CPVL: variants seen among roughly 807,000 people sequenced by gnomAD.
CPVL encodes probable serine carboxypeptidase CPVL.
In CPVL, 51 loss-of-function variants were observed where a neutral mutation model predicts 63.7. The ratio of observed to expected loss-of-function variants is 0.80; its 90% confidence interval spans 0.64 to 1.01. The LOEUF (loss-of-function observed/expected upper bound fraction) is 1.01. CPVL is among the 50% of genes least tolerant of loss of function. The pLI is 0.00. For missense variants in CPVL, 530 were observed against 573.1 expected (o/e 0.92, Z 0.77); for synonymous variants, 195 against 206.0 (o/e 0.95, Z 0.46).
upstream of CPVL, among the ~76,000 whole-genome samples, chr7:29,149,453 C>G (rs569925194): frequency 7.9e-5 from 12 of 152,174 alleles, no homozygotes; most frequent in African/African-American, 2.6e-4. Context: ...CTTGGCCTCC[C>G]AAAGTGCTGG....
rs979823542 is a variant in CPVL at position 29,107,091 on chromosome 7, T to C, written c.288+5613A>G. The stretch of plus-strand genomic sequence containing the variant: ...CTCCACAGAGGCTCAGCCATGGGGC[T>C]GTTTGAGTGCCCTCCCAACATGGCA... On this transcript the variant is annotated intron_variant, in intron 3 of 12. Transcript: ENST00000265394. Among the ~76,000 whole-genome samples the C allele has an allele frequency of 6.6e-5, 10 of 152,250 alleles. 1 individual carries two copies. The highest frequency in any genetic ancestry group is 2.4e-4 in the African/African-American group (10 of 41,470).
At chr7:29,109,327 A>C (rs1055498090) in intron 3 of CPVL, among the ~76,000 whole-genome samples, 2 of 152,166 alleles carry the variant, frequency 1.3e-5, no homozygotes, top group Non-Finnish European at 1.5e-5. Flanking sequence ...GCATCCCCCC[A>C]AAAAATACTC....
chr7:29,054,487 T>C (rs1373300833), intron 11 of CPVL, among the ~76,000 whole-genome samples: 7 of 152,236 alleles, frequency 4.6e-5, no homozygotes, highest in East Asian at 1.9e-4. Context: ...GTCAGTCTGA[T>C]TGTCCTCCTT....
Position 29,009,715 on chromosome 7 carries a change from G to T in CPVL, c.1321-13833C>A, listed in dbSNP as rs190990565. 2.6e-5 allele frequency: 4 copies of T among 152,190 alleles called. No individual in the cohort carries two copies. The East Asian group carries it at 7.7e-4, about 29-fold the overall frequency. 9.4% of individuals were successfully genotyped at this position (152,190 alleles called of 1,614,324 possible). A position where few individuals can be genotyped will look rare whatever the true frequency, so the allele number is the denominator to read the frequency against. On this transcript the variant is annotated intron_variant, in intron 12 of 12. Transcript: ENST00000265394. ...ATATTATATATGGATACGTATGTCT[G>T]CAGTAAAACTATTAACAAAGAAAAA... is the stretch of plus-strand genomic sequence containing the variant.
intron 2 of CPVL, among the ~76,000 whole-genome samples, chr7:29,118,216 G>A (rs927701395): frequency 6.6e-6 from 1 of 152,216 alleles, no homozygotes; most frequent in Non-Finnish European, 1.5e-5. Context: ...TGGGCAACTC[G>A]GATAAAGTAT....
At chr7:29,146,659 G>A (rs1426669794), upstream of CPVL, 2 of 1,550,600 alleles carry the variant, frequency 1.3e-6, no homozygotes, top group South Asian at 2.4e-5. Flanking sequence ...GCCGCATCAA[G>A]TCAGCGCTTC....
chr7:29,028,022 TCAC>T (rs1787664411), intron 12 of CPVL, among the ~76,000 whole-genome samples: 1 of 152,180 alleles, frequency 6.6e-6, no homozygotes, highest in South Asian at 2.1e-4. Flanking sequence ...GCTGGAGGCA[TCAC>T]ACTACCTGAT....
intron 4 of CPVL, among the ~76,000 whole-genome samples, chr7:29,095,347 A>T (rs931417396): frequency 2.6e-5 from 4 of 152,122 alleles, no homozygotes; most frequent in African/African-American, 9.7e-5. Flanking sequence ...CCCAGCCCAG[A>T]GTGTTTCTAC....
At chr7:29,116,629 C>G (rs2128635444) in intron 2 of CPVL, among the ~76,000 whole-genome samples, 1 of 152,324 alleles carries the variant, frequency 6.6e-6, no homozygotes, top group Non-Finnish European at 1.5e-5. Flanking sequence ...CACAAACACT[C>G]AAGTTATCAC....
intron 11 of CPVL, among the ~76,000 whole-genome samples, chr7:29,056,482 C>T (rs1790743923): frequency 6.6e-6 from 1 of 152,152 alleles, no homozygotes. Flanking sequence ...CAGAAATATG[C>T]ATTTAAGTTT....
intron 3 of CPVL, chr7:29,096,426 G>C: frequency 1.8e-6 from 1 of 569,640 alleles, no homozygotes; most frequent in Non-Finnish European, 3.1e-6. Flanking sequence ...TCATATGCTG[G>C]TGTCTTCTTA....
chr7:29,149,366 G>GT (rs1223176312), upstream of CPVL, among the ~76,000 whole-genome samples: 1 of 151,674 alleles, frequency 6.6e-6, no homozygotes, highest in Non-Finnish European at 1.5e-5. Flanking sequence ...CTAATTTTTT[G>GT]TATTTGTAGT....
chr7:29,101,599 C>CA (rs1236983174), intron 3 of CPVL, among the ~76,000 whole-genome samples: 1 of 151,134 alleles, frequency 6.6e-6, no homozygotes, highest in Non-Finnish European at 1.5e-5. Flanking sequence ...CGTCTCAAAA[C>CA]AAAAAAAGCT....
rs148314091 is a variant in CPVL, at chr7:29,187,071, G to T, written c.-447-524C>A. ...AGCATGATCCTGGCACATAGGAAATGATTACTTAAGGAGAGTGACTTTTCT... is the reference window on the plus strand; with the variant it reads ...AGCATGATCCTGGCACATAGGAAATTATTACTTAAGGAGAGTGACTTTTCT... On this transcript the variant is annotated intron_variant, in intron 1 of 16. Coordinates refer to the CPVL transcript ENST00000409850. 7.7e-3 allele frequency among the ~76,000 whole-genome samples: 1,173 copies of T among 152,234 alleles called. 19 individuals are homozygous for T. Among genetic ancestry groups the T allele is most frequent in the African/African-American group, 0.027 (1,130 of 41,518 alleles).
chr7:29,086,438 T>G, intron 7 of CPVL, 46 bp downstream of exon 7: 1 of 1,318,488 alleles, frequency 7.6e-7, no homozygotes, highest in Non-Finnish European at 1.1e-6. Context: ...TATATGTCAG[T>G]TCTGGTGATG....
intron 11 of CPVL, among the ~76,000 whole-genome samples, chr7:29,040,769 G>A (rs1455758706): frequency 2.0e-5 from 3 of 152,098 alleles, no homozygotes; most frequent in Non-Finnish European, 2.9e-5. Flanking sequence ...AGTGTCCAGC[G>A]ATTATATAAA....
At chr7:29,149,414 G>C (rs759772606), upstream of CPVL, among the ~76,000 whole-genome samples, 1 of 151,928 alleles carries the variant, frequency 6.6e-6, no homozygotes, top group South Asian at 2.1e-4. Flanking sequence ...GGCTGGTCTC[G>C]AACTCCTGAC....
chr7:29,150,743 G>C (rs1005122699), upstream of CPVL, among the ~76,000 whole-genome samples: 4 of 152,158 alleles, frequency 2.6e-5, no homozygotes, highest in African/African-American at 9.7e-5. Context: ...ACTTGTCAAG[G>C]CTTCTATAGC....
intron 1 of CPVL, chr7:29,194,869 C>T (rs2128760728): frequency 7.6e-7 from 1 of 1,316,200 alleles, no homozygotes. Flanking sequence ...AGGCTGCGAG[C>T]GGCCGGGCGA....
Sources: allele counts gnomAD v4.1 joint callset (sites outside exome capture counted in the v4.1 genomes callset), GRCh38; gene constraint gnomAD v4.1.1; transcripts MANE v1.5; gene names NCBI Gene and HGNC (gene_info 2026-07-23, HGNC 2026-07-21).